PPM1H: variants seen among roughly 807,000 people sequenced by gnomAD.
PPM1H encodes protein phosphatase 1H.
In PPM1H, 27 loss-of-function variants were observed where a neutral mutation model predicts 54.9. That is an observed-to-expected ratio of 0.49 (90% CI 0.36 to 0.68). The LOEUF (loss-of-function observed/expected upper bound fraction) is 0.68. Ranked by LOEUF, PPM1H falls within the 30% of genes least tolerant of loss-of-function variation. PPM1H has a pLI of 0.00. For synonymous variants in PPM1H, 305 were observed against 270.8 expected (o/e 1.13, Z -1.24); for missense variants, 596 against 667.8 (o/e 0.89, Z 1.19).
At chr12:62,801,687 ACAGGGGGCCGTC>A (rs1386055532) in intron 3 of PPM1H, 117 bp downstream of exon 3, 194 of 994,546 alleles carry the variant, frequency 2.0e-4, no homozygotes, top group Non-Finnish European at 2.6e-4. Context: ...CCCCATTATC[ACAGGGGGCCGTC>A]CAGGTGGAGC....
rs1264130551 is a variant in PPM1H at position 62,828,893 on chromosome 12, A to G, written c.411+3221T>C. Among the ~76,000 whole-genome samples, 4 of 152,136 alleles carry G rather than the reference A, an allele frequency of 2.6e-5. No individual in the cohort carries two copies. In the East Asian group the frequency reaches 7.7e-4, roughly 29 times the overall value. On this transcript the variant is annotated intron_variant, in intron 2 of 9. Transcript: ENST00000228705. ...TTAGGGAAATGCAAACCAAAAGTAC[A>G]GTGAAATACTACCTCATACCCATTA...
chr12:62,756,319 C>T (rs2120593719), intron 4 of PPM1H: 1 of 527,590 alleles, frequency 1.9e-6, no homozygotes, highest in African/African-American at 1.9e-5. Flanking sequence ...ACTCAGTCCC[C>T]CACAACACTG....
chr12:62,896,375 C>T (rs1435520197), intron 1 of PPM1H, among the ~76,000 whole-genome samples: 1 of 152,060 alleles, frequency 6.6e-6, no homozygotes, highest in Non-Finnish European at 1.5e-5. Context: ...ATATCCAGAA[C>T]CTACAAAGAA....
intron 4 of PPM1H, among the ~76,000 whole-genome samples, chr12:62,743,982 G>A (rs1488736574): frequency 6.6e-6 from 1 of 151,938 alleles, no homozygotes; most frequent in Non-Finnish European, 1.5e-5. Flanking sequence ...ATATCCAATG[G>A]TTCAGTCATT....
chr12:62,868,088 A>G (rs1395516647), intron 1 of PPM1H, among the ~76,000 whole-genome samples: 2 of 152,114 alleles, frequency 1.3e-5, no homozygotes, highest in African/African-American at 4.8e-5. Flanking sequence ...AAGGCTGCCA[A>G]ATGCATGATA....
intron 8 of PPM1H, among the ~76,000 whole-genome samples, chr12:62,680,721 C>A (rs1165160175): frequency 6.6e-6 from 1 of 152,154 alleles, no homozygotes; most frequent in Non-Finnish European, 1.5e-5. Context: ...GGAAGAGCCA[C>A]CCAGCTGAAC....
At chr12:62,700,061 C>A (rs969819110) in intron 6 of PPM1H, among the ~76,000 whole-genome samples, 1 of 152,132 alleles carries the variant, frequency 6.6e-6, no homozygotes, top group Non-Finnish European at 1.5e-5. Flanking sequence ...GCCTCATATC[C>A]CCCTCCCTTA....
chr12:62,849,193 G>A (rs1006450083), intron 1 of PPM1H, among the ~76,000 whole-genome samples: 1 of 152,126 alleles, frequency 6.6e-6, no homozygotes, highest in African/African-American at 2.4e-5. Flanking sequence ...CAACCTGAAA[G>A]GTGAATAACC....
intron 9 of PPM1H, among the ~76,000 whole-genome samples, chr12:62,652,906 AT>A (rs57979633): frequency 6.6e-6 from 1 of 152,010 alleles, no homozygotes; most frequent in Non-Finnish European, 1.5e-5. Flanking sequence ...ATTTTTAGTA[AT>A]TTTTTTAACA....
chr12:62,858,370 G>T (rs1184741855), intron 1 of PPM1H, among the ~76,000 whole-genome samples: 1 of 152,060 alleles, frequency 6.6e-6, no homozygotes, highest in Non-Finnish European at 1.5e-5. Flanking sequence ...CTTTCCCTAG[G>T]GTTTCTAGCC....
chr12:62,920,704 C>T (rs1871769046), intron 1 of PPM1H, among the ~76,000 whole-genome samples: 1 of 151,924 alleles, frequency 6.6e-6, no homozygotes, highest in Non-Finnish European at 1.5e-5. Flanking sequence ...CCTGCTTTCA[C>T]TGGCACCCTC....
intron 6 of PPM1H, among the ~76,000 whole-genome samples, chr12:62,712,861 A>T (rs975456200): frequency 6.6e-6 from 1 of 152,166 alleles, no homozygotes; most frequent in African/African-American, 2.4e-5. Flanking sequence ...CCTCAAGAGG[A>T]TAAAGCCTGG....
At chr12:62,847,391 CATT>C (rs1869014332) in intron 1 of PPM1H, among the ~76,000 whole-genome samples, 1 of 152,142 alleles carries the variant, frequency 6.6e-6, no homozygotes. Context: ...ACTATACTAT[CATT>C]ATTAAACTGC....
intron 4 of PPM1H, among the ~76,000 whole-genome samples, chr12:62,754,635 C>T (rs1248074864): frequency 6.6e-6 from 1 of 152,212 alleles, no homozygotes; most frequent in African/African-American, 2.4e-5. Context: ...GCAGCAGTCA[C>T]TGGTGGTCTA....
intron 1 of PPM1H, among the ~76,000 whole-genome samples, chr12:62,885,824 T>C (rs1429984651): frequency 6.6e-6 from 1 of 152,228 alleles, no homozygotes; most frequent in East Asian, 1.9e-4. Flanking sequence ...AATTTGCATA[T>C]CTGTGCCATC....
intron 3 of PPM1H, 114 bp from the exon 4 acceptor site, chr12:62,788,452 GA>G (rs749208953): frequency 1.1e-4 from 70 of 666,264 alleles, no homozygotes; most frequent in Non-Finnish European, 1.6e-4. Context: ...GAAGGGACTA[GA>G]AAAATCTTTA....
At chr12:62,663,468 T>C (rs894460915) in intron 9 of PPM1H, among the ~76,000 whole-genome samples, 11 of 152,160 alleles carry the variant, frequency 7.2e-5, no homozygotes, top group Non-Finnish European at 1.5e-4. Flanking sequence ...ATTATAGGCA[T>C]GACCCACCAT....
intron 5 of PPM1H, among the ~76,000 whole-genome samples, chr12:62,732,877 C>CT (rs1473221715): frequency 6.6e-6 from 1 of 152,098 alleles, no homozygotes; most frequent in Non-Finnish European, 1.5e-5. Context: ...ACAAGGAATA[C>CT]ACTGTTAATT....
chr12:62,693,795 A>G (rs1711866417), intron 7 of PPM1H, 141 bp downstream of exon 7: 1 of 742,710 alleles, frequency 1.3e-6, no homozygotes. Context: ...CTGAAGGATG[A>G]TGGATGGGAT....
Sources: gnomAD v4.1 joint callset for allele counts (sites outside exome capture counted in the v4.1 genomes callset) on GRCh38, gnomAD v4.1.1 for gene constraint, MANE v1.5 for transcripts, NCBI Gene and HGNC (gene_info 2026-07-23, HGNC 2026-07-21) for gene names.